OPCML: variants seen among roughly 807,000 people sequenced by gnomAD.
The protein encoded by OPCML is opioid-binding protein/cell adhesion molecule.
OPCML carries 13 observed loss-of-function variants against 37.8 expected under a neutral mutation model. The observed-to-expected ratio is 0.34, with a 90% CI of 0.22 to 0.55. The LOEUF is 0.55. OPCML is among the 20% of genes least tolerant of loss of function. The probability of loss-of-function intolerance (pLI) is 0.91; values close to 1 mark genes in which losing one functional copy is unlikely to be tolerated. For synonymous variants in OPCML, 176 were observed against 168.8 expected (o/e 1.04, Z -0.33); for missense variants, 341 against 435.6 (o/e 0.78, Z 1.93).
Position 133,341,897 on chromosome 11 carries a change from G to A in OPCML, c.61+190367C>T, listed in dbSNP as rs368436289. Among the ~76,000 whole-genome samples, 8 of 151,750 alleles carry A rather than the reference G, an allele frequency of 5.3e-5. No individual in the cohort carries two copies. In the South Asian group the frequency reaches 8.3e-4, roughly 16 times the overall value. On this transcript the variant is annotated intron_variant, in intron 1 of 7. Coordinates refer to ENST00000524381, the MANE Select transcript of OPCML (RefSeq NM_001012393.5). ...CGCGCCATTGCACTCCAGCCTGGGC[G>A]AAAGAATAAGACTCCATTTTGGGGA...
chr11:132,875,923 T>C (rs1942992933), intron 2 of OPCML, among the ~76,000 whole-genome samples: 1 of 152,310 alleles, frequency 6.6e-6, no homozygotes, highest in Admixed American at 6.5e-5. Context: ...AACTGCATTA[T>C]TGCAACCCAG....
chr11:133,452,482 T>C (rs1946599679), intron 1 of OPCML, among the ~76,000 whole-genome samples: 1 of 151,402 alleles, frequency 6.6e-6, no homozygotes, highest in Admixed American at 6.6e-5. Flanking sequence ...TGATAGCAGA[T>C]AGTCTGGTAA....
chr11:133,233,056 G>A (rs778753791), intron 1 of OPCML, among the ~76,000 whole-genome samples: 10 of 152,274 alleles, frequency 6.6e-5, no homozygotes, highest in South Asian at 4.1e-4. Flanking sequence ...TGGTTTTGCA[G>A]ACATCAGTGG....
chr11:132,582,049 A>G (rs148929776), intron 3 of OPCML, among the ~76,000 whole-genome samples: 1 of 151,972 alleles, frequency 6.6e-6, no homozygotes, highest in East Asian at 1.9e-4. Context: ...AGACAGAGCT[A>G]TCTTAGCATG....
chr11:132,653,768 C>T (rs1180577400), intron 3 of OPCML, among the ~76,000 whole-genome samples: 5 of 152,258 alleles, frequency 3.3e-5, no homozygotes, highest in South Asian at 2.1e-4. Context: ...GTCCCTTAGG[C>T]GTGCACTCCC....
Position 132,529,055 on chromosome 11 carries a change from C to T in OPCML, c.505+6G>A, listed in dbSNP as rs745827240. ...TCTGAAAACGTCCTCCAGGTCAGCA[C>T]CTTACCCTTGACTGACAGGTGTCTC... On this transcript the variant is annotated splice_donor_region_variant and intron_variant, in intron 4 of 7. Transcript: ENST00000524381. 2.5e-6 allele frequency: 4 copies of T among 1,602,514 alleles called. No individual in the cohort carries two copies. Among genetic ancestry groups the T allele is most frequent in the Non-Finnish European group, 3.4e-6 (4 of 1,170,108 alleles).
At chr11:132,929,582 G>A (rs1442321379) in intron 2 of OPCML, among the ~76,000 whole-genome samples, 8 of 152,020 alleles carry the variant, frequency 5.3e-5, no homozygotes, top group African/African-American at 1.7e-4. Context: ...AAAATCAGAC[G>A]AAGACATTAC....
chr11:133,344,970 C>T (rs1226682076), intron 1 of OPCML, among the ~76,000 whole-genome samples: 1 of 152,174 alleles, frequency 6.6e-6, no homozygotes, highest in East Asian at 1.9e-4. Flanking sequence ...TTCCCTCAAA[C>T]ACATCAGTGA....
rs573595418 is a variant in OPCML at position 132,546,694 on chromosome 11, T to C, written c.380-17508A>G. On this transcript the variant is annotated intron_variant, in intron 3 of 7. Transcript: ENST00000524381. ...CTTGGAGAGTTTCTTAAGCTATTCG[T>C]ACTTCACCTTTTTGCATCTATAACA... is the stretch of plus-strand genomic sequence containing the variant. Among the ~76,000 whole-genome samples the C allele has an allele frequency of 1.1e-3, 166 of 152,320 alleles. 4 individuals are homozygous for C. In the South Asian group the frequency reaches 0.033, roughly 31 times the overall value.
intron 4 of OPCML, among the ~76,000 whole-genome samples, chr11:132,475,908 A>G (rs570659113): frequency 6.6e-6 from 1 of 152,280 alleles, no homozygotes; most frequent in South Asian, 2.1e-4. Context: ...TGATAGAGTG[A>G]CACACAGACA....
intron 1 of OPCML, among the ~76,000 whole-genome samples, chr11:133,386,839 A>C (rs953071975): frequency 6.6e-6 from 1 of 152,144 alleles, no homozygotes; most frequent in African/African-American, 2.4e-5. Flanking sequence ...CCAGCCCCAC[A>C]CGGCAGCAGG....
intron 2 of OPCML, among the ~76,000 whole-genome samples, chr11:132,750,846 AT>A (rs1468355027): frequency 2.1e-5 from 3 of 141,214 alleles, no homozygotes; most frequent in Non-Finnish European, 3.0e-5. Flanking sequence ...CTGGTGTGCA[AT>A]GTGTGCAATG....
intron 2 of OPCML, among the ~76,000 whole-genome samples, chr11:132,858,508 C>G (rs1207116958): frequency 2.6e-5 from 4 of 152,190 alleles, no homozygotes; most frequent in African/African-American, 4.8e-5. Context: ...GGGAGTGACC[C>G]GTGTGGAGAG....
intron 7 of OPCML, among the ~76,000 whole-genome samples, chr11:132,431,141 T>C (rs1338400516): frequency 1.3e-5 from 2 of 152,202 alleles, no homozygotes; most frequent in Non-Finnish European, 2.9e-5. Flanking sequence ...GCAAGCTGAT[T>C]TGCAATGGTT....
At chr11:132,467,167 G>A (rs2512700) in intron 4 of OPCML, among the ~76,000 whole-genome samples, 1 of 152,124 alleles carries the variant, frequency 6.6e-6, no homozygotes, top group African/African-American at 2.4e-5. Flanking sequence ...TAACAGACTC[G>A]TCCACTGGCC....
intron 1 of OPCML, among the ~76,000 whole-genome samples, chr11:133,226,396 T>C (rs1940040373): frequency 6.6e-6 from 1 of 152,222 alleles, no homozygotes; most frequent in South Asian, 2.1e-4. Flanking sequence ...CCCCTTCTTT[T>C]TACCCAGTCA....
intron 2 of OPCML, among the ~76,000 whole-genome samples, chr11:132,898,679 G>A (rs1446816231): frequency 1.3e-5 from 2 of 152,134 alleles, no homozygotes; most frequent in Admixed American, 6.5e-5. Context: ...GAGTGGGAGT[G>A]TCACCACTCA....
At position 133,212,004 on chromosome 11, in the gene OPCML, C is replaced by A. The variant is rs1939380679; in HGVS notation, c.62-268994G>T. Among the ~76,000 whole-genome samples the A allele has an allele frequency of 6.6e-6, 1 of 152,166 alleles. No homozygotes were observed. The highest frequency in any genetic ancestry group is 1.5e-5 in the Non-Finnish European group (1 of 68,036). On this transcript the variant is annotated intron_variant, in intron 1 of 7. Transcript: ENST00000524381. This position sits in a 1 kb window ranked among gnomAD's most constrained non-coding sequence, Gnocchi z 4.9. ...AGATGGCAAGCCTAGTGCATACAGC[C>A]TGATAGCAGATTGACCGTGCCAGCT...
At position 133,281,084 on chromosome 11, in the gene OPCML, G is replaced by A. The variant is rs116626863; in HGVS notation, c.61+251180C>T. On this transcript the variant is annotated intron_variant, in intron 1 of 7. Transcript: ENST00000524381. ...TGTGGGCTGATCTGTCCTGCAGACT[G>A]TCCCTCACTGGGCATCACCCCTCGC... is the stretch of plus-strand genomic sequence containing the variant. Among the ~76,000 whole-genome samples the A allele has an allele frequency of 3.3e-3, 509 of 152,272 alleles. 3 individuals are homozygous for A. Among genetic ancestry groups the A allele is most frequent in the African/African-American group, 0.012 (488 of 41,558 alleles).
Sources: gnomAD v4.1 joint callset for allele counts (sites outside exome capture counted in the v4.1 genomes callset) on GRCh38, gnomAD v4.1.1 for gene constraint, Gnocchi (gnomAD v3.1) non-coding constraint, MANE v1.5 for transcripts, NCBI Gene and HGNC (gene_info 2026-07-23, HGNC 2026-07-21) for gene names.